The following DTD1 variants were observed in gnomAD, a reference collection of about 807,000 sequenced individuals.
DTD1 encodes D-tyrosyl-tRNA deacylase 1 homolog.
A neutral mutation model predicts 25.6 loss-of-function variants in DTD1; 13 were observed. The observed-to-expected ratio is 0.51, with a 90% CI of 0.33 to 0.81. The LOEUF is 0.81. DTD1 is among the 30% of genes least tolerant of loss of function. The probability of loss-of-function intolerance (pLI) is 0.02; values close to 1 mark genes in which losing one functional copy is unlikely to be tolerated. For synonymous variants in DTD1, 110 were observed against 103.6 expected, an observed-to-expected ratio of 1.06 and a Z score of -0.37; for missense variants, 193 against 266.4, an observed-to-expected ratio of 0.72 and a Z score of 1.92.
chr20:18,739,947 A>G (rs1176949224), intron 4 of DTD1, among the ~76,000 whole-genome samples: 1 of 151,718 alleles, frequency 6.6e-6, no homozygotes, highest in Non-Finnish European at 1.5e-5. Context: ...TCAGCATTAC[A>G]TCACTGGCAG....
At chr20:18,593,705 T>G (rs1311652420) in intron 1 of DTD1, 26 bp from the exon 2 acceptor site, 1 of 1,589,172 alleles carries the variant, frequency 6.3e-7, no homozygotes, top group African/African-American at 1.3e-5. Flanking sequence ...TTCTGAGTTC[T>G]TCTCTCCCTT....
In DTD1 at chr20:18,628,113, G is replaced by C. The variant is rs1037544024; in HGVS notation, c.371-14G>C. 10 of 1,610,880 alleles carry C rather than the reference G, an allele frequency of 6.2e-6. No individual in the cohort carries two copies. In the African/African-American group the frequency reaches 1.3e-4, roughly 22 times the overall value. ...TGTCTCCATCTTTGGTAACTGTTTGGATTGCTTTTTCAGATGGCAAGTTTG... is the reference window on the plus strand; with the variant it reads ...TGTCTCCATCTTTGGTAACTGTTTGCATTGCTTTTTCAGATGGCAAGTTTG... On this transcript the variant is annotated splice_polypyrimidine_tract_variant and intron_variant, in intron 3 of 5. Transcript: ENST00000377452.
rs2061373106 is a variant in DTD1, at chr20:18,764,109, G to T, written c.*769G>T. 6.6e-6 allele frequency: 1 copy of T among 152,072 alleles called. No homozygotes were observed. Among genetic ancestry groups the T allele is most frequent in the East Asian group, 1.9e-4 (1 of 5,184 alleles). 9.4% of individuals were successfully genotyped at this position (152,072 alleles called of 1,614,324 possible). On this transcript the variant is annotated 3_prime_UTR_variant, in exon 6 of 6. Transcript: ENST00000377452. The stretch of plus-strand genomic sequence containing the variant: ...ACAATTGATGACATGGTACTTGGAA[G>T]TGAGATGTCAGGAAAAGGGAGTGTG...
intron 4 of DTD1, among the ~76,000 whole-genome samples, chr20:18,742,444 G>A (rs2061281997): frequency 6.6e-6 from 1 of 152,176 alleles, no homozygotes; most frequent in African/African-American, 2.4e-5. Flanking sequence ...AGCAGGAGGT[G>A]AGCAGCCTAT....
chr20:18,615,156 C>G (rs2060704238), intron 3 of DTD1, among the ~76,000 whole-genome samples: 1 of 152,214 alleles, frequency 6.6e-6, no homozygotes, highest in African/African-American at 2.4e-5. Flanking sequence ...TTGGTCAAAG[C>G]AGTCTCACAG....
At chr20:18,712,355 A>G (rs1280856637) in intron 4 of DTD1, among the ~76,000 whole-genome samples, 1 of 127,340 alleles carries the variant, frequency 7.9e-6, no homozygotes, top group East Asian at 2.6e-4. Flanking sequence ...CACAGGACAC[A>G]TATGATATCA....
intron 4 of DTD1, among the ~76,000 whole-genome samples, chr20:18,642,395 G>T (rs2060832351): frequency 6.6e-6 from 1 of 152,050 alleles, no homozygotes; most frequent in Non-Finnish European, 1.5e-5. Context: ...GATGCCTCTT[G>T]TACCTATCTC....
chr20:18,595,662 G>A (rs1489350633), intron 2 of DTD1, among the ~76,000 whole-genome samples: 1 of 152,146 alleles, frequency 6.6e-6, no homozygotes. Context: ...AATTACAATT[G>A]GACCCATGTT....
intron 3 of DTD1, among the ~76,000 whole-genome samples, chr20:18,609,401 C>A (rs529036611): frequency 6.6e-6 from 1 of 152,230 alleles, no homozygotes; most frequent in South Asian, 2.1e-4. Flanking sequence ...ATCTACCTGA[C>A]ATGGCTGCCC....
chr20:18,673,649 G>A lies in DTD1; in HGVS notation c.477+45416G>A, dbSNP rs1265252578. ...ATGACGTTAAAAAAATACCCTTACAGGAGAGGGAAAATGGTATTTCTAGTT... is the reference window on the plus strand; with the variant it reads ...ATGACGTTAAAAAAATACCCTTACAAGAGAGGGAAAATGGTATTTCTAGTT... On this transcript the variant is annotated intron_variant, in intron 4 of 5. Transcript: ENST00000377452. Among the ~76,000 whole-genome samples the A allele has an allele frequency of 2.6e-5, 4 of 152,258 alleles. No individual in the cohort carries two copies. In the South Asian group the frequency reaches 6.2e-4, roughly 24 times the overall value.
chr20:18,724,612 C>T (rs1006328527), intron 4 of DTD1, among the ~76,000 whole-genome samples: 2 of 152,114 alleles, frequency 1.3e-5, no homozygotes, highest in Non-Finnish European at 2.9e-5. Context: ...GTGTGAATAT[C>T]ACCTTACAAC....
chr20:18,606,102 C>G (rs1568643122), intron 3 of DTD1, among the ~76,000 whole-genome samples: 1 of 144,486 alleles, frequency 6.9e-6, no homozygotes, highest in African/African-American at 2.6e-5. Flanking sequence ...ACAACCCCAT[C>G]AAAAAGTGGG....
intron 3 of DTD1, among the ~76,000 whole-genome samples, chr20:18,610,250 A>G (rs1246322322): frequency 6.6e-6 from 1 of 152,180 alleles, no homozygotes; most frequent in East Asian, 1.9e-4. Flanking sequence ...GTATTCCTAA[A>G]AACACCTTTT....
At chr20:18,748,895 G>T (rs2061311122) in intron 5 of DTD1, among the ~76,000 whole-genome samples, 2 of 151,734 alleles carry the variant, frequency 1.3e-5, no homozygotes, top group African/African-American at 4.8e-5. Flanking sequence ...GGCAGCAGGG[G>T]GAGCAGACCC....
chr20:18,726,369 A>G (rs1028765686), intron 4 of DTD1, among the ~76,000 whole-genome samples: 2 of 152,150 alleles, frequency 1.3e-5, no homozygotes, highest in Admixed American at 6.6e-5. Flanking sequence ...TCTGAGCCCC[A>G]TGTTTACCTT....
chr20:18,640,034 G>A (rs1382231017), intron 4 of DTD1, among the ~76,000 whole-genome samples: 1 of 148,856 alleles, frequency 6.7e-6, no homozygotes, highest in African/African-American at 2.5e-5. Flanking sequence ...GACCAGATCT[G>A]GCCTTATGCT....
chr20:18,651,378 C>T (rs1267721989), intron 4 of DTD1, among the ~76,000 whole-genome samples: 2 of 152,122 alleles, frequency 1.3e-5, no homozygotes, highest in Non-Finnish European at 2.9e-5. Context: ...CTTGAACTCC[C>T]GACCTCAGGC....
intron 4 of DTD1, among the ~76,000 whole-genome samples, chr20:18,723,072 CAG>C (rs2061210795): frequency 6.6e-6 from 1 of 152,080 alleles, no homozygotes; most frequent in South Asian, 2.1e-4. Context: ...CACTTTAGAC[CAG>C]AGTTTCTCAG....
chr20:18,658,189 A>ATGTG (rs60197503), intron 4 of DTD1, among the ~76,000 whole-genome samples: 7,741 of 146,126 alleles, frequency 0.053, 222 homozygotes, highest in African/African-American at 0.061. Flanking sequence ...AGAGTCTGAG[A>ATGTG]TGTGTGTGTG....
Sources: allele counts gnomAD v4.1 joint callset (sites outside exome capture counted in the v4.1 genomes callset), GRCh38; gene constraint gnomAD v4.1.1; transcripts MANE v1.5; gene names NCBI Gene and HGNC (gene_info 2026-07-23, HGNC 2026-07-21).